The following DOCK4 variants were observed in gnomAD, a reference collection of about 807,000 sequenced individuals.
DOCK4 encodes the protein dedicator of cytokinesis protein 4.
In DOCK4, 97 loss-of-function variants were observed where a neutral mutation model predicts 268.1. The ratio of observed to expected loss-of-function variants is 0.36; its 90% CI spans 0.31 to 0.43. The LOEUF is 0.43. DOCK4 is among the 20% of genes least tolerant of loss of function. The pLI is 1.00. For synonymous variants in DOCK4, 954 were observed against 887.2 expected (o/e 1.08, Z -1.34); for missense variants, 2,145 against 2,455.7 (o/e 0.87, Z 2.67).
At chr7:111,990,833 G>A (rs541195998) in intron 5 of DOCK4, among the ~76,000 whole-genome samples, 2 of 152,256 alleles carry the variant, frequency 1.3e-5, no homozygotes, top group African/African-American at 4.8e-5. Context: ...CCAATCACAT[G>A]GCTGTCTGCC....
At chr7:111,924,093 A>G (rs1254856956) in intron 12 of DOCK4, among the ~76,000 whole-genome samples, 1 of 152,066 alleles carries the variant, frequency 6.6e-6, no homozygotes, top group Non-Finnish European at 1.5e-5. Context: ...ATCTCGTTCC[A>G]TTTTTTTATG....
chr7:111,852,730 A>C (rs1282918795), intron 23 of DOCK4, among the ~76,000 whole-genome samples: 1 of 152,202 alleles, frequency 6.6e-6, no homozygotes, highest in Admixed American at 6.5e-5. Flanking sequence ...ATACATAACA[A>C]CCCAGCTTGC....
intron 16 of DOCK4, 69 bp from the exon 17 acceptor site, chr7:111,877,255 T>G (rs904784250): frequency 2.5e-6 from 3 of 1,204,378 alleles, no homozygotes; most frequent in African/African-American, 3.1e-5. Flanking sequence ...AAGCATAATT[T>G]ATATTACTAG....
chr7:111,756,477 A>T (rs1179028206), intron 41 of DOCK4, among the ~76,000 whole-genome samples: 1 of 152,050 alleles, frequency 6.6e-6, no homozygotes, highest in Admixed American at 6.5e-5. Flanking sequence ...GTCAGTTGCT[A>T]AATCTACTGT....
At chr7:111,800,884 AGG>A (rs1308484375) in intron 30 of DOCK4, among the ~76,000 whole-genome samples, 1 of 152,288 alleles carries the variant, frequency 6.6e-6, no homozygotes, top group Admixed American at 6.5e-5. Flanking sequence ...GTCTCTTTAA[AGG>A]GGGAATAATA....
At chr7:111,773,918 G>A (rs1033890350) in intron 36 of DOCK4, among the ~76,000 whole-genome samples, 14 of 152,050 alleles carry the variant, frequency 9.2e-5, no homozygotes, top group Middle Eastern at 6.3e-3. Context: ...CTGGGAGGCT[G>A]AGGTGGGAGG....
chr7:111,920,420 T>C (rs1339778460), intron 12 of DOCK4, among the ~76,000 whole-genome samples: 2 of 152,170 alleles, frequency 1.3e-5, no homozygotes, highest in East Asian at 1.9e-4. Flanking sequence ...AATTGTCAAT[T>C]ATACCTTATT....
chr7:111,838,724 A>G (rs1436855597), intron 25 of DOCK4, among the ~76,000 whole-genome samples: 1 of 152,188 alleles, frequency 6.6e-6, no homozygotes, highest in African/African-American at 2.4e-5. Context: ...GGAGGGGCAA[A>G]AGAGAGGGAA....
intron 8 of DOCK4, among the ~76,000 whole-genome samples, chr7:111,973,156 C>CGCATATATAT (rs990863473): frequency 2.5e-4 from 28 of 114,060 alleles, no homozygotes; most frequent in African/African-American, 8.7e-4. Context: ...TATTCCATGG[C>CGCATATATAT]ATATATATAT....
At chr7:111,918,166 T>C (rs879185478) in intron 12 of DOCK4, among the ~76,000 whole-genome samples, 1 of 152,168 alleles carries the variant, frequency 6.6e-6, no homozygotes, top group Admixed American at 6.5e-5. Context: ...CGGAGCTAGA[T>C]GAGGGGCAAT....
chr7:111,815,861 G>A (rs1801508855), intron 27 of DOCK4, among the ~76,000 whole-genome samples: 2 of 152,000 alleles, frequency 1.3e-5, no homozygotes, highest in South Asian at 4.2e-4. Flanking sequence ...AGTTAAAATG[G>A]GGTTTTGCCA....
intron 27 of DOCK4, among the ~76,000 whole-genome samples, chr7:111,812,796 G>A (rs1801235734): frequency 6.6e-6 from 1 of 152,178 alleles, no homozygotes; most frequent in South Asian, 2.1e-4. Context: ...TACAGACTGT[G>A]AAATTGTCTA....
chr7:111,983,862 G>GCGCGCACACACACACACA, intron 7 of DOCK4, among the ~76,000 whole-genome samples: 6 of 138,648 alleles, frequency 4.3e-5, no homozygotes, highest in South Asian at 4.8e-4. Context: ...GCGCGCGCGC[G>GCGCGCACACACACACACA]CACACACACA....
chr7:112,198,000 T>C (rs1820612636), intron 1 of DOCK4, among the ~76,000 whole-genome samples: 1 of 149,076 alleles, frequency 6.7e-6, no homozygotes, highest in Non-Finnish European at 1.5e-5. Context: ...AAGTTGGTTC[T>C]TTTGTTGAAT....
intron 12 of DOCK4, among the ~76,000 whole-genome samples, chr7:111,921,812 T>C (rs1221793173): frequency 6.6e-6 from 1 of 152,162 alleles, no homozygotes; most frequent in African/African-American, 2.4e-5. Context: ...CTGTTCTCAT[T>C]CCTCCCTACC....
At chr7:111,930,101 T>A (rs912046032) in intron 12 of DOCK4, among the ~76,000 whole-genome samples, 1 of 152,358 alleles carries the variant, frequency 6.6e-6, no homozygotes, top group East Asian at 1.9e-4. Flanking sequence ...ATGAATACTT[T>A]TAGAATTTCA....
intron 16 of DOCK4, among the ~76,000 whole-genome samples, chr7:111,894,028 C>A (rs1278573941): frequency 6.6e-6 from 1 of 152,096 alleles, no homozygotes; most frequent in Non-Finnish European, 1.5e-5. Flanking sequence ...TAGAGACCAT[C>A]CTGGCTGACA....
intron 1 of DOCK4, among the ~76,000 whole-genome samples, chr7:112,084,582 C>G (rs1237279951): frequency 6.6e-6 from 1 of 152,112 alleles, no homozygotes; most frequent in Non-Finnish European, 1.5e-5. Flanking sequence ...ATGCTGCTGA[C>G]TAGCAATAAG....
chr7:112,026,956 C>T (rs978046605), intron 1 of DOCK4, among the ~76,000 whole-genome samples: 8 of 152,078 alleles, frequency 5.3e-5, no homozygotes, highest in African/African-American at 1.9e-4. Context: ...GGTGGGAGGT[C>T]GATCTTCAGC....
Sources: gnomAD v4.1 joint callset for allele counts (sites outside exome capture counted in the v4.1 genomes callset) on GRCh38, gnomAD v4.1.1 for gene constraint, MANE v1.5 for transcripts, NCBI Gene and HGNC (gene_info 2026-07-23, HGNC 2026-07-21) for gene names.